Variants in CRIM1 observed in about 807,000 individuals in gnomAD.
The protein encoded by CRIM1 is cysteine rich transmembrane BMP regulator 1, also known as cysteine-rich motor neuron 1 protein.
Under a neutral mutation model 116.4 loss-of-function variants are expected in CRIM1, and 32 were observed. The observed-to-expected ratio is 0.27, with a 90% confidence interval of 0.21 to 0.37. The LOEUF (loss-of-function observed/expected upper bound fraction) is 0.37. Ranked by LOEUF, CRIM1 falls within the 10% of genes least tolerant of loss-of-function variation. The pLI, the probability that CRIM1 is intolerant of heterozygous loss-of-function variation, is 1.00. For synonymous variants in CRIM1, 590 were observed against 509.2 expected, an observed-to-expected ratio of 1.16 and a Z score of -2.13; for missense variants, 1,331 against 1,354.8, an observed-to-expected ratio of 0.98 and a Z score of 0.28.
At chr2:36,448,640 CTT>C in intron 4 of CRIM1, among the ~76,000 whole-genome samples, 1 of 55,044 alleles carries the variant, frequency 1.8e-5, no homozygotes. Flanking sequence ...AACTTTGTAC[CTT>C]TTTATTATTG....
intron 1 of CRIM1, among the ~76,000 whole-genome samples, chr2:36,389,771 T>C (rs558687266): frequency 3.6e-4 from 55 of 152,278 alleles, no homozygotes; most frequent in African/African-American, 1.3e-3. Flanking sequence ...CTGAAATGTT[T>C]TGTTTCATGT....
chr2:36,400,612 A>G (rs1672339687), intron 2 of CRIM1, among the ~76,000 whole-genome samples: 2 of 152,240 alleles, frequency 1.3e-5, no homozygotes, highest in Non-Finnish European at 2.9e-5. Flanking sequence ...TCCAGGATTT[A>G]TGGAATGTGG....
At chr2:36,457,780 C>G (rs1180612209) in intron 4 of CRIM1, among the ~76,000 whole-genome samples, 1 of 151,882 alleles carries the variant, frequency 6.6e-6, no homozygotes, top group East Asian at 1.9e-4. Context: ...CTTACACATT[C>G]CTGGAAAGAG....
At chr2:36,482,298 G>A (rs2125051870) in intron 7 of CRIM1, among the ~76,000 whole-genome samples, 1 of 152,140 alleles carries the variant, frequency 6.6e-6, no homozygotes, top group Admixed American at 6.6e-5. Flanking sequence ...CTCCAATAAT[G>A]CTTTCATTTT....
intron 4 of CRIM1, among the ~76,000 whole-genome samples, chr2:36,459,661 G>C (rs1677427936): frequency 6.6e-6 from 1 of 152,172 alleles, no homozygotes. Flanking sequence ...TTACAGGGTA[G>C]ATGGTCTTAA....
At chr2:36,397,590 C>T (rs910790969) in intron 2 of CRIM1, among the ~76,000 whole-genome samples, 4 of 152,062 alleles carry the variant, frequency 2.6e-5, no homozygotes, top group African/African-American at 9.7e-5. Context: ...TACCTCTTAT[C>T]TCTAAAATGA....
At chr2:36,399,932 T>G (rs1265670755) in intron 2 of CRIM1, among the ~76,000 whole-genome samples, 1 of 152,242 alleles carries the variant, frequency 6.6e-6, no homozygotes, top group Admixed American at 6.5e-5. Flanking sequence ...GGTCACCTAC[T>G]GGTGCTGACA....
intron 5 of CRIM1, among the ~76,000 whole-genome samples, chr2:36,467,579 A>G (rs1170062570): frequency 6.6e-6 from 1 of 152,192 alleles, no homozygotes; most frequent in Non-Finnish European, 1.5e-5. Flanking sequence ...TACACAGAGG[A>G]TCTGAGGAAA....
intron 13 of CRIM1, among the ~76,000 whole-genome samples, chr2:36,536,005 C>G (rs1238275555): frequency 6.6e-6 from 1 of 152,128 alleles, no homozygotes; most frequent in Non-Finnish European, 1.5e-5. Context: ...GGTCCTAGAA[C>G]CAGTCTCCCA....
At chr2:36,357,125 C>T (rs1668890397) in intron 1 of CRIM1, among the ~76,000 whole-genome samples, 1 of 152,194 alleles carries the variant, frequency 6.6e-6, no homozygotes, top group East Asian at 1.9e-4. Context: ...CCGAGTGACT[C>T]TTATTATTTT....
chr2:36,509,007 C>T (rs1021445323), intron 8 of CRIM1, among the ~76,000 whole-genome samples: 2 of 152,080 alleles, frequency 1.3e-5, no homozygotes, highest in Non-Finnish European at 2.9e-5. Context: ...ACTAAAAAGC[C>T]TATTATGTAA....
chr2:36,439,276 A>G (rs907422065), intron 2 of CRIM1, among the ~76,000 whole-genome samples: 12 of 152,142 alleles, frequency 7.9e-5, no homozygotes, highest in African/African-American at 2.9e-4. Context: ...GTCTTCCTCC[A>G]TATTCTTTCT....
chr2:36,484,940 A>G (rs1418668761), intron 7 of CRIM1, among the ~76,000 whole-genome samples: 1 of 152,198 alleles, frequency 6.6e-6, no homozygotes, highest in East Asian at 1.9e-4. Context: ...TCCATGTTCT[A>G]TCTCTAACAG....
At position 36,391,203 on chromosome 2, in the gene CRIM1, C is replaced by T. The variant is rs967859332; in HGVS notation, c.332-5411C>T. On this transcript the variant is annotated intron_variant, in intron 1 of 16. Transcript: ENST00000280527. ...GGAGTGCAGTGACATGATCTGGGCT[C>T]ACTGCAAGCTCCGCCTCTGGGTTCA... 3.0e-5 allele frequency among the ~76,000 whole-genome samples: 4 copies of T among 134,646 alleles called. No homozygotes were observed. The Admixed American group carries it at 3.4e-4, about 11-fold the overall frequency. The allele number at this position is 134,646 out of a possible 152,430, so 88.3% of individuals were successfully genotyped here.
intron 12 of CRIM1, among the ~76,000 whole-genome samples, chr2:36,521,600 C>A (rs533130019): frequency 4.6e-5 from 7 of 152,330 alleles, no homozygotes; most frequent in Admixed American, 4.6e-4. Context: ...GATCAACGCA[C>A]TCCTATCAAG....
At chr2:36,519,361 A>T (rs957475275) in intron 12 of CRIM1, among the ~76,000 whole-genome samples, 4 of 152,008 alleles carry the variant, frequency 2.6e-5, no homozygotes, top group African/African-American at 9.7e-5. Flanking sequence ...AGAACAGGCA[A>T]CCCCTCATGT....
intron 2 of CRIM1, among the ~76,000 whole-genome samples, chr2:36,421,006 G>T (rs1674017981): frequency 6.6e-6 from 1 of 152,326 alleles, no homozygotes; most frequent in South Asian, 2.1e-4. Flanking sequence ...TGGCAGCTGA[G>T]ACCTCTACGT....
At chr2:36,468,936 C>T (rs1006539828) in intron 5 of CRIM1, among the ~76,000 whole-genome samples, 3 of 152,242 alleles carry the variant, frequency 2.0e-5, no homozygotes, top group African/African-American at 7.2e-5. Flanking sequence ...CAAAAGCTGA[C>T]TCTGTCTGTA....
chr2:36,391,685 C>G (rs917540641), intron 1 of CRIM1, among the ~76,000 whole-genome samples: 2 of 151,996 alleles, frequency 1.3e-5, no homozygotes, highest in Non-Finnish European at 2.9e-5. Context: ...GGCTACAGAC[C>G]GCTTAGAAGC....
Sources: gnomAD v4.1 joint callset for allele counts (sites outside exome capture counted in the v4.1 genomes callset) on GRCh38, gnomAD v4.1.1 for gene constraint, MANE v1.5 for transcripts, NCBI Gene and HGNC (gene_info 2026-07-23, HGNC 2026-07-21) for gene names.